Variants in DIAPH2 observed in about 807,000 individuals in gnomAD.
The protein encoded by DIAPH2 is diaphanous related formin 2.
Under a neutral mutation model 92.7 loss-of-function variants are expected in DIAPH2, and 35 were observed. The observed-to-expected ratio is 0.38, with a 90% confidence interval of 0.29 to 0.50. DIAPH2 has a LOEUF of 0.50. DIAPH2 is among the 20% of genes least tolerant of loss of function. DIAPH2 has a pLI of 0.94. For synonymous variants in DIAPH2, 301 were observed against 280.4 expected, an observed-to-expected ratio of 1.07 and a Z score of -0.73; for missense variants, 701 against 819.5, an observed-to-expected ratio of 0.86 and a Z score of 1.77.
At chrX:96,905,409 T>C (rs6620203) in intron 5 of DIAPH2, among the ~76,000 whole-genome samples, 16,217 of 110,799 alleles carry the variant, frequency 0.15, 999 homozygotes, top group East Asian at 0.32. Context: ...AATGTTGTCC[T>C]TTATAAGAAT....
chrX:97,194,608 A>C (rs1338444092), intron 22 of DIAPH2, among the ~76,000 whole-genome samples: 1 of 111,544 alleles, frequency 9.0e-6, no homozygotes, highest in Non-Finnish European at 1.9e-5. Flanking sequence ...CAAATTGTTG[A>C]ATTTGTTTTA....
intron 13 of DIAPH2, among the ~76,000 whole-genome samples, chrX:96,944,808 C>T (rs1016912356): frequency 2.7e-5 from 3 of 110,705 alleles, no homozygotes; most frequent in Admixed American, 9.6e-5. Flanking sequence ...TAGGTTCTTT[C>T]GAGTTTGGGA....
chrX:97,374,375 T>A (rs770359356), intron 24 of DIAPH2, among the ~76,000 whole-genome samples: 35 of 112,019 alleles, frequency 3.1e-4, no homozygotes, highest in African/African-American at 1.1e-3. Flanking sequence ...AACTACAGTA[T>A]CAATACATTT....
At chrX:96,812,756 C>G (rs970258548) in intron 4 of DIAPH2, among the ~76,000 whole-genome samples, 16 of 111,718 alleles carry the variant, frequency 1.4e-4, no homozygotes, top group African/African-American at 5.2e-4. Flanking sequence ...ACATCTTTTT[C>G]TCTGCCTTCA....
intron 23 of DIAPH2, among the ~76,000 whole-genome samples, chrX:97,290,403 A>T (rs1448259251): frequency 9.0e-6 from 1 of 111,695 alleles, no homozygotes; most frequent in Non-Finnish European, 1.9e-5. Flanking sequence ...GGTAAGCATG[A>T]TCCACATTCT....
intron 23 of DIAPH2, 62 bp from the exon 24 acceptor site, chrX:97,348,054 C>A: frequency 1.9e-6 from 2 of 1,036,108 alleles, no homozygotes; most frequent in Non-Finnish European, 2.7e-6. Flanking sequence ...TTAATCTTAA[C>A]ATCTAGTGAT....
intron 22 of DIAPH2, among the ~76,000 whole-genome samples, chrX:97,220,928 A>T (rs1481988126): frequency 3.6e-5 from 4 of 111,939 alleles, no homozygotes; most frequent in Non-Finnish European, 7.5e-5. Context: ...TAATTACTAC[A>T]TATTAACAAC....
intron 22 of DIAPH2, among the ~76,000 whole-genome samples, chrX:97,178,104 C>T (rs771127703): frequency 1.1e-4 from 12 of 109,835 alleles, no homozygotes. Flanking sequence ...TCTATAATCC[C>T]AGCTGCTGGG....
chrX:97,287,602 CACAA>C (rs1354535201), intron 23 of DIAPH2, among the ~76,000 whole-genome samples: 1 of 108,566 alleles, frequency 9.2e-6, no homozygotes, highest in Non-Finnish European at 1.9e-5. Context: ...CATTTGTCAC[CACAA>C]ACAAACATAT....
intron 4 of DIAPH2, among the ~76,000 whole-genome samples, chrX:96,780,104 A>T (rs914902593): frequency 1.8e-5 from 2 of 112,241 alleles, no homozygotes; most frequent in Non-Finnish European, 3.8e-5. Context: ...ATTTGTGAAA[A>T]TCTGGATTTT....
intron 12 of DIAPH2, 108 bp downstream of exon 12, chrX:96,939,490 A>ATATATATATATATG: frequency 1.9e-5 from 2 of 107,635 alleles, no homozygotes; most frequent in South Asian, 3.9e-4. Flanking sequence ...GTGTGTATGT[A>ATATATATATATATG]TATATATATG....
intron 23 of DIAPH2, among the ~76,000 whole-genome samples, chrX:97,323,322 T>C (rs1375205402): frequency 9.9e-6 from 1 of 101,311 alleles, no homozygotes; most frequent in Admixed American, 1.0e-4. Flanking sequence ...CCGGGCGCGG[T>C]GGCTCACGCC....
rs190681048 is a variant in DIAPH2, at chrX:96,852,563, G to A, written c.448-29016G>A. On this transcript the variant is annotated intron_variant, in intron 4 of 26. Coordinates refer to ENST00000324765, the MANE Select transcript of DIAPH2 (RefSeq NM_006729.5). The stretch of plus-strand genomic sequence containing the variant: ...CTCTCTGTTGAGAGAAACTTGGAAA[G>A]TTGAGTTAACATATTGGCCTGGGTT... Among the ~76,000 whole-genome samples the A allele has an allele frequency of 7.2e-5, 8 of 111,716 alleles. No homozygotes were observed. The East Asian group carries it at 2.0e-3, about 27-fold the overall frequency.
chrX:97,589,316 CAAAAAAAAA>C (rs35492535), intron 26 of DIAPH2, among the ~76,000 whole-genome samples: 3 of 32,414 alleles, frequency 9.3e-5, no homozygotes, highest in African/African-American at 3.2e-4. Context: ...GACTCCATCT[CAAAAAAAAA>C]AAAAAAAAAA....
intron 16 of DIAPH2, among the ~76,000 whole-genome samples, chrX:96,962,852 T>A (rs934222200): frequency 1.8e-5 from 2 of 110,917 alleles, no homozygotes; most frequent in African/African-American, 6.6e-5. Flanking sequence ...TCTTTGTTAT[T>A]GTTTATCCAT....
chrX:97,368,909 T>TTTC (rs1304443620), intron 24 of DIAPH2, among the ~76,000 whole-genome samples: 64 of 85,650 alleles, frequency 7.5e-4, no homozygotes, highest in Non-Finnish European at 1.4e-3. Context: ...CTTTTTTTTT[T>TTTC]TTTTTTTTTT....
At chrX:97,129,710 G>T (rs2067125029) in intron 21 of DIAPH2, among the ~76,000 whole-genome samples, 1 of 110,831 alleles carries the variant, frequency 9.0e-6, no homozygotes, top group African/African-American at 3.3e-5. Flanking sequence ...ACCATGCACA[G>T]AAATGCCCCT....
chrX:97,110,054 T>G (rs754604754), intron 20 of DIAPH2, among the ~76,000 whole-genome samples: 1 of 112,286 alleles, frequency 8.9e-6, no homozygotes, highest in East Asian at 2.8e-4. Context: ...CATTATTTTG[T>G]AGAAGTAAAA....
At position 96,939,335 on chromosome X, in the gene DIAPH2, A is replaced by C; in HGVS notation, c.1278A>C (p.Leu426Phe). 1 of 1,153,122 alleles carries C rather than the reference A, an allele frequency of 8.7e-7. No homozygotes were observed. Among genetic ancestry groups the C allele is most frequent in the Non-Finnish European group, 1.2e-6 (1 of 849,269 alleles). The change falls in exon 12 of 27, where the codon TTA (leucine) becomes TTC (phenylalanine). Residue 426 changes from leucine (L) to phenylalanine (F), a missense_variant. Leu to Phe is a conservative substitution (Grantham distance 22, BLOSUM62 0). Transcript: ENST00000324765. ...ACACTGCTGCTGAAAATTACTTCTT[A>C]TCTATTCTACAACATTTTTTGCTTA... ...LKDTAAENYFLSILQHFLLIR... is the reference protein window; with the variant it reads ...LKDTAAENYFFSILQHFLLIR...
Sources: allele counts gnomAD v4.1 joint callset (sites outside exome capture counted in the v4.1 genomes callset), GRCh38; gene constraint gnomAD v4.1.1; transcripts MANE v1.5; gene names NCBI Gene and HGNC (gene_info 2026-07-23, HGNC 2026-07-21).